The following CDH13 variants were observed in gnomAD, a reference collection of about 807,000 sequenced individuals.
CDH13 encodes cadherin 13.
Under a neutral mutation model 63.8 loss-of-function variants are expected in CDH13, and 24 were observed. The ratio of observed to expected loss-of-function variants is 0.38; its 90% CI spans 0.27 to 0.53. The LOEUF is 0.53. CDH13 is among the 20% of genes least tolerant of loss of function. The pLI, the probability that CDH13 is intolerant of heterozygous loss-of-function variation, is 0.85. For synonymous variants in CDH13, 503 were observed against 355.3 expected, an observed-to-expected ratio of 1.42 and a Z score of -4.67; for missense variants, 1,049 against 903.1, an observed-to-expected ratio of 1.16 and a Z score of -2.07.
intron 4 of CDH13, among the ~76,000 whole-genome samples, chr16:83,137,495 A>G (rs2036340773): frequency 6.6e-6 from 1 of 152,196 alleles, no homozygotes. Context: ...CAAATAGACC[A>G]CATGTTGACA....
At chr16:83,458,216 G>T (rs967038957) in intron 6 of CDH13, among the ~76,000 whole-genome samples, 1 of 152,156 alleles carries the variant, frequency 6.6e-6, no homozygotes, top group Non-Finnish European at 1.5e-5. Context: ...AAGATCTGCT[G>T]TTTCTCCTGT....
intron 3 of CDH13, among the ~76,000 whole-genome samples, chr16:83,093,276 G>GTGGAAACA (rs1597322104): frequency 8.3e-6 from 1 of 120,048 alleles, no homozygotes; most frequent in African/African-American, 3.1e-5. Flanking sequence ...GATTTGTCCT[G>GTGGAAACA]TGGAAACACC....
intron 3 of CDH13, among the ~76,000 whole-genome samples, chr16:83,068,952 G>T (rs531837635): frequency 6.6e-6 from 1 of 152,146 alleles, no homozygotes; most frequent in African/African-American, 2.4e-5. Context: ...TCACTATGAA[G>T]GTTTAGAAGG....
chr16:83,243,522 A>C (rs1192036829), intron 5 of CDH13, among the ~76,000 whole-genome samples: 1 of 152,118 alleles, frequency 6.6e-6, no homozygotes, highest in Non-Finnish European at 1.5e-5. Flanking sequence ...GCTACATTTC[A>C]AGATGAGATT....
chr16:83,133,660 G>T (rs1476649600), intron 4 of CDH13, among the ~76,000 whole-genome samples: 2 of 151,970 alleles, frequency 1.3e-5, no homozygotes, highest in African/African-American at 2.4e-5. Context: ...CACCATGCCT[G>T]GCCAACTTTT....
intron 8 of CDH13, among the ~76,000 whole-genome samples, chr16:83,621,354 T>C (rs1483113687): frequency 6.6e-6 from 1 of 152,092 alleles, no homozygotes; most frequent in Non-Finnish European, 1.5e-5. Flanking sequence ...CTGTTTTTCT[T>C]GTTACACTTG....
chr16:83,120,568 T>A (rs956241716), intron 3 of CDH13, among the ~76,000 whole-genome samples: 16 of 152,168 alleles, frequency 1.1e-4, no homozygotes, highest in Non-Finnish European at 2.1e-4. Context: ...GCACAAAGTT[T>A]ACGTCTTTTT....
chr16:83,127,034 G>A (rs1050562703), intron 4 of CDH13, among the ~76,000 whole-genome samples: 2 of 152,142 alleles, frequency 1.3e-5, no homozygotes, highest in Admixed American at 6.5e-5. Context: ...ATATTTGAGG[G>A]GAGACTGGAA....
At position 83,673,425 on chromosome 16, in the gene CDH13, C is replaced by G. The variant is rs370742892; in HGVS notation, c.1284+2453C>G. Among the ~76,000 whole-genome samples, 20 of 152,176 alleles carry G rather than the reference C, an allele frequency of 1.3e-4. No individual in the cohort carries two copies. In the East Asian group the frequency reaches 1.4e-3, roughly 10 times the overall value. On this transcript the variant is annotated intron_variant, in intron 9 of 13. Transcript: ENST00000567109. ...CCTATAACACTTGGGGGTGACTATT[C>G]TGAAACTATACCTGGCATCTGGCTC...
chr16:83,473,547 T>C (rs1440658180), intron 6 of CDH13, among the ~76,000 whole-genome samples: 1 of 152,192 alleles, frequency 6.6e-6, no homozygotes, highest in Non-Finnish European at 1.5e-5. Flanking sequence ...TCTGGAGTCA[T>C]CGATCATCTG....
At chr16:82,924,609 C>T (rs2042249594) in intron 2 of CDH13, among the ~76,000 whole-genome samples, 1 of 152,086 alleles carries the variant, frequency 6.6e-6, no homozygotes, top group Non-Finnish European at 1.5e-5. Context: ...CCACCATCCA[C>T]CTAATTTTAG....
At chr16:83,580,564 A>C (rs1326893075) in intron 7 of CDH13, among the ~76,000 whole-genome samples, 1 of 141,968 alleles carries the variant, frequency 7.0e-6, no homozygotes, top group Non-Finnish European at 1.5e-5. Flanking sequence ...GTATGATCTG[A>C]GTTTACTGCA....
intron 6 of CDH13, among the ~76,000 whole-genome samples, chr16:83,375,062 C>T (rs1283191810): frequency 6.6e-6 from 1 of 152,130 alleles, no homozygotes; most frequent in Non-Finnish European, 1.5e-5. Flanking sequence ...TGACAAATTT[C>T]CTCTCTTTAA....
At chr16:82,854,019 C>G (rs2039592884) in intron 1 of CDH13, among the ~76,000 whole-genome samples, 3 of 152,228 alleles carry the variant, frequency 2.0e-5, no homozygotes, top group Admixed American at 1.3e-4. Flanking sequence ...CTTTCCATCC[C>G]CTTACCAAAG....
chr16:83,632,615 T>C (rs573624115), intron 8 of CDH13, among the ~76,000 whole-genome samples: 6 of 150,990 alleles, frequency 4.0e-5, no homozygotes, highest in Non-Finnish European at 8.8e-5. Flanking sequence ...TTTGTCACCA[T>C]TGATGCTATA....
intron 2 of CDH13, among the ~76,000 whole-genome samples, chr16:82,969,478 C>CTTTT (rs10652088): frequency 0.056 from 7,326 of 131,034 alleles, 290 homozygotes; most frequent in Non-Finnish European, 0.085. Flanking sequence ...TCTGCATATT[C>CTTTT]TTTTTTTTTT....
At chr16:82,627,975 C>A (rs1397744733) in intron 1 of CDH13, among the ~76,000 whole-genome samples, 1 of 152,262 alleles carries the variant, frequency 6.6e-6, no homozygotes, top group African/African-American at 2.4e-5. Context: ...ACCCTCAGAG[C>A]GCCACGGCGC....
chr16:83,543,685 G>C (rs560680760), intron 7 of CDH13, among the ~76,000 whole-genome samples: 1 of 152,136 alleles, frequency 6.6e-6, no homozygotes, highest in Non-Finnish European at 1.5e-5. Flanking sequence ...GTTGTCTGTC[G>C]TGAGAGCAGA....
At chr16:83,510,373 C>G (rs150362918) in intron 7 of CDH13, among the ~76,000 whole-genome samples, 2 of 152,272 alleles carry the variant, frequency 1.3e-5, no homozygotes, top group African/African-American at 4.8e-5. Flanking sequence ...TTGGACTTAA[C>G]TTGCCTGTGA....
Sources: allele counts gnomAD v4.1 joint callset (sites outside exome capture counted in the v4.1 genomes callset), GRCh38; gene constraint gnomAD v4.1.1; transcripts MANE v1.5; gene names NCBI Gene and HGNC (gene_info 2026-07-23, HGNC 2026-07-21).